Variants in ST6GALNAC3 observed in about 807,000 individuals in gnomAD.
The protein encoded by ST6GALNAC3 is alpha-N-acetylgalactosaminide alpha-2,6-sialyltransferase 3.
A neutral mutation model predicts 32.7 loss-of-function variants in ST6GALNAC3; 25 were observed. The observed-to-expected ratio is 0.76, with a 90% confidence interval of 0.56 to 1.07. The LOEUF (loss-of-function observed/expected upper bound fraction) is 1.07, where lower values mean the gene tolerates loss of function less well. Ranked by LOEUF, ST6GALNAC3 falls within the 50% of genes least tolerant of loss-of-function variation. The pLI, the probability that ST6GALNAC3 is intolerant of heterozygous loss-of-function variation, is 0.00. For synonymous variants in ST6GALNAC3, 129 were observed against 133.1 expected (o/e 0.97, Z 0.21); for missense variants, 355 against 382.4 (o/e 0.93, Z 0.60).
At chr1:76,587,547 A>G (rs888864467) in intron 3 of ST6GALNAC3, among the ~76,000 whole-genome samples, 18 of 152,130 alleles carry the variant, frequency 1.2e-4, no homozygotes, top group African/African-American at 4.1e-4. Context: ...CACACAACGA[A>G]TCAGGTCCAA....
intron 3 of ST6GALNAC3, among the ~76,000 whole-genome samples, chr1:76,614,023 AT>A (rs1004568889): frequency 9.2e-5 from 14 of 152,210 alleles, no homozygotes; most frequent in African/African-American, 3.4e-4. Flanking sequence ...CATCAGCAAA[AT>A]GCTTAAAATG....
At chr1:76,592,956 C>A (rs1486621588) in intron 3 of ST6GALNAC3, among the ~76,000 whole-genome samples, 1 of 151,824 alleles carries the variant, frequency 6.6e-6, no homozygotes, top group Non-Finnish European at 1.5e-5. Flanking sequence ...AAGGGGAATT[C>A]TTTTCCACAT....
intron 1 of ST6GALNAC3, among the ~76,000 whole-genome samples, chr1:76,100,631 C>G (rs1647202696): frequency 1.3e-5 from 2 of 152,050 alleles, no homozygotes. Flanking sequence ...TGAATTAGAC[C>G]TGAAATTTTC....
intron 1 of ST6GALNAC3, among the ~76,000 whole-genome samples, chr1:76,085,405 C>A (rs1335531013): frequency 6.6e-6 from 1 of 152,158 alleles, no homozygotes; most frequent in East Asian, 1.9e-4. Flanking sequence ...TGGCCAGCAC[C>A]AGGCCTCATG....
At chr1:76,221,929 A>T (rs954510030) in intron 1 of ST6GALNAC3, among the ~76,000 whole-genome samples, 4 of 152,088 alleles carry the variant, frequency 2.6e-5, no homozygotes, top group African/African-American at 9.7e-5. Context: ...GTGAGCTTTG[A>T]TTGTGTTGAA....
At chr1:76,571,647 T>C (rs1407187787) in intron 3 of ST6GALNAC3, among the ~76,000 whole-genome samples, 1 of 152,132 alleles carries the variant, frequency 6.6e-6, no homozygotes, top group Non-Finnish European at 1.5e-5. Context: ...ACTAGGATTA[T>C]GAATGGGAAA....
chr1:76,391,743 C>T (rs1652582957), intron 2 of ST6GALNAC3, among the ~76,000 whole-genome samples: 1 of 152,102 alleles, frequency 6.6e-6, no homozygotes, highest in Non-Finnish European at 1.5e-5. Context: ...TATTTTCCTC[C>T]ATCTAGTTTT....
chr1:76,483,540 T>C (rs1659882003), intron 3 of ST6GALNAC3, among the ~76,000 whole-genome samples: 1 of 152,226 alleles, frequency 6.6e-6, no homozygotes, highest in Non-Finnish European at 1.5e-5. Context: ...GAAGTGTCTG[T>C]TCATATCCTT....
At chr1:76,249,123 C>T (rs1237723808) in intron 1 of ST6GALNAC3, among the ~76,000 whole-genome samples, 1 of 152,162 alleles carries the variant, frequency 6.6e-6, no homozygotes, top group East Asian at 1.9e-4. Flanking sequence ...CTTACTATAA[C>T]ATTCACCAGT....
At chr1:76,560,426 C>T (rs1452242283) in intron 3 of ST6GALNAC3, among the ~76,000 whole-genome samples, 1 of 152,144 alleles carries the variant, frequency 6.6e-6, no homozygotes, top group Non-Finnish European at 1.5e-5. Context: ...TACTTGCAAA[C>T]TACCCATCTG....
At chr1:76,520,053 T>G (rs572492593) in intron 3 of ST6GALNAC3, among the ~76,000 whole-genome samples, 1 of 152,080 alleles carries the variant, frequency 6.6e-6, no homozygotes, top group Non-Finnish European at 1.5e-5. Context: ...TTATTTCTGT[T>G]TCCTCTATAT....
intron 1 of ST6GALNAC3, among the ~76,000 whole-genome samples, chr1:76,101,942 A>C (rs1647241518): frequency 1.3e-5 from 2 of 152,172 alleles, no homozygotes; most frequent in African/African-American, 4.8e-5. Context: ...GCTTGAAAAT[A>C]AAGTATATCC....
At chr1:76,466,938 C>T (rs1235944522) in intron 3 of ST6GALNAC3, among the ~76,000 whole-genome samples, 1 of 151,870 alleles carries the variant, frequency 6.6e-6, no homozygotes, top group Admixed American at 6.6e-5. Flanking sequence ...TTGTATTAAA[C>T]AATAAGATCT....
At chr1:76,384,342 T>A (rs1473490498) in intron 2 of ST6GALNAC3, among the ~76,000 whole-genome samples, 2 of 152,144 alleles carry the variant, frequency 1.3e-5, no homozygotes, top group Admixed American at 1.3e-4. Context: ...CAGGAATATT[T>A]AATGATCCGA....
intron 1 of ST6GALNAC3, among the ~76,000 whole-genome samples, chr1:76,190,809 T>C (rs1653849175): frequency 6.6e-6 from 1 of 151,986 alleles, no homozygotes; most frequent in Non-Finnish European, 1.5e-5. Flanking sequence ...AAGAAAGGGG[T>C]TTTTATATTT....
At chr1:76,606,096 G>A (rs987965406) in intron 3 of ST6GALNAC3, among the ~76,000 whole-genome samples, 1 of 152,024 alleles carries the variant, frequency 6.6e-6, no homozygotes, top group African/African-American at 2.4e-5. Flanking sequence ...GGAGAAATAG[G>A]AACGCTTTTA....
Position 76,256,489 on chromosome 1 carries a change from C to T in ST6GALNAC3, c.19-57316C>T, listed in dbSNP as rs190880669. ...ACAGGGTAGGTGTATTTTGAAGTGG[C>T]GTTGTAAGTGGCACCCTACTGCTTC... On this transcript the variant is annotated intron_variant, in intron 1 of 4. Transcript: ENST00000328299. Among the ~76,000 whole-genome samples, 111 of 152,088 alleles carry T rather than the reference C, an allele frequency of 7.3e-4. 1 individual carries two copies. Among genetic ancestry groups the T allele is most frequent in the Non-Finnish European group, 3.8e-4 (26 of 67,992 alleles).
At chr1:76,562,666 G>T (rs1022384816) in intron 3 of ST6GALNAC3, among the ~76,000 whole-genome samples, 5 of 152,190 alleles carry the variant, frequency 3.3e-5, no homozygotes, top group African/African-American at 4.8e-5. Context: ...AAATGTGCTT[G>T]TCTGCAACAT....
chr1:76,493,227 G>A (rs1237337239), intron 3 of ST6GALNAC3, among the ~76,000 whole-genome samples: 1 of 152,150 alleles, frequency 6.6e-6, no homozygotes, highest in East Asian at 1.9e-4. Context: ...CAAGAAGCTA[G>A]AGAGGCAGAT....
Sources: gnomAD v4.1 joint callset for allele counts (sites outside exome capture counted in the v4.1 genomes callset) on GRCh38, gnomAD v4.1.1 for gene constraint, MANE v1.5 for transcripts, NCBI Gene and HGNC (gene_info 2026-07-23, HGNC 2026-07-21) for gene names.